Variants in KANK1 observed in about 807,000 individuals in gnomAD.
KANK1 encodes KN motif and ankyrin repeat domain-containing protein 1.
KANK1 carries 109 observed loss-of-function variants against 106.2 expected under a neutral mutation model. The observed-to-expected ratio is 1.03, with a 90% CI of 0.88 to 1.20. KANK1 has a LOEUF of 1.20. Ranked by LOEUF, KANK1 falls within the 50% of genes most tolerant of loss-of-function variation. The probability of loss-of-function intolerance (pLI) is 0.00; values close to 1 mark genes in which losing one functional copy is unlikely to be tolerated. For synonymous variants in KANK1, 873 were observed against 652.2 expected, an observed-to-expected ratio of 1.34 and a Z score of -5.16; for missense variants, 2,399 against 1,710.7, an observed-to-expected ratio of 1.40 and a Z score of -7.10.
rs1462983762 is a variant in KANK1 at position 712,697 on chromosome 9, A to C, written c.1931A>C (p.Glu644Ala). ...GACGTGACCGTCTGCTCTCCAAAGGAGTGCGCCTCCCGGGGCGTGAACACT... is the reference window on the plus strand; with the variant it reads ...GACGTGACCGTCTGCTCTCCAAAGGCGTGCGCCTCCCGGGGCGTGAACACT... Reference protein sequence around the residue: ...SVDVTVCSPKECASRGVNTEA... With the variant: ...SVDVTVCSPKACASRGVNTEA... Residue 644 changes from glutamate (E) to alanine (A), a missense_variant, in exon 3 of 12, where the codon GAG becomes GCG. Transcript: ENST00000382297. 1 of 1,614,024 alleles carries C rather than the reference A, an allele frequency of 6.2e-7. No homozygotes were observed. The highest frequency in any genetic ancestry group is 2.2e-5 in the East Asian group (1 of 44,860).
chr9:607,427 G>A (rs898997899), intron 1 of KANK1, among the ~76,000 whole-genome samples: 1 of 144,746 alleles, frequency 6.9e-6, no homozygotes, highest in Non-Finnish European at 1.5e-5. Context: ...AGAGGTTGCA[G>A]TGAGCCAAGA....
intron 1 of KANK1, among the ~76,000 whole-genome samples, chr9:637,413 A>T (rs567505292): frequency 4.6e-5 from 7 of 152,306 alleles, no homozygotes; most frequent in Admixed American, 3.9e-4. Context: ...GTGACTAATG[A>T]TGACTGATAG....
intron 1 of KANK1, among the ~76,000 whole-genome samples, chr9:671,625 A>AAAAAAAAAAGAAGAG (rs1563962324): frequency 8.2e-6 from 1 of 121,822 alleles, no homozygotes; most frequent in East Asian, 2.7e-4. Context: ...CAAAAAAAAA[A>AAAAAAAAAAGAAGAG]AAGAGTGTAC....
chr9:619,388 G>A (rs1289584318), intron 1 of KANK1, among the ~76,000 whole-genome samples: 2 of 152,176 alleles, frequency 1.3e-5, no homozygotes, highest in African/African-American at 2.4e-5. Flanking sequence ...GCTGATGTGA[G>A]AGCACCTTCT....
At position 711,980 on chromosome 9, in the gene KANK1, C is replaced by T; in HGVS notation, c.1214C>T (p.Ala405Val). ...GAGTGCCGGTCTGTGGCTGTGGGTG[C>T]CGAGGAGAACATGAACGACATCGTC... ...NGECRSVAVGAEENMNDIVVY... is the reference protein window; with the variant it reads ...NGECRSVAVGVEENMNDIVVY... Residue 405 changes from alanine (A) to valine (V), a missense_variant, in exon 3 of 12, where the codon GCC (alanine) becomes GTC (valine). Ala to Val is a moderately conservative substitution (Grantham distance 64). Transcript: ENST00000382297. The T allele has an allele frequency of 6.2e-7, 1 of 1,614,066 alleles. No homozygotes were observed. The highest frequency in any genetic ancestry group is 8.5e-7 in the Non-Finnish European group (1 of 1,180,002).
intron 1 of KANK1, among the ~76,000 whole-genome samples, chr9:638,752 T>A (rs560788205): frequency 6.6e-6 from 1 of 152,312 alleles, no homozygotes; most frequent in South Asian, 2.1e-4. Context: ...CTAATTCTTT[T>A]CTGTAGATTC....
chr9:558,763 G>A (rs1815568755), intron 1 of KANK1: 1 of 152,072 alleles, frequency 6.6e-6, no homozygotes, highest in Non-Finnish European at 1.5e-5. Context: ...AACAAAGAGT[G>A]TAGGCTGGTT....
At chr9:473,228 G>A (rs1166344290) in exon 3 of KANK1, 2 of 152,172 alleles carry the variant, frequency 1.3e-5, no homozygotes, top group Non-Finnish European at 2.9e-5. Context: ...CAAGGGATTC[G>A]TACCACTGCT....
At chr9:495,477 A>G (rs1413190234) in intron 3 of KANK1, 1 of 152,054 alleles carries the variant, frequency 6.6e-6, no homozygotes, top group East Asian at 1.9e-4. Context: ...TTTTGACTTT[A>G]CCCACCTTCC....
At chr9:744,924 C>G (rs535099125) in intron 11 of KANK1, 1 of 1,424,540 alleles carries the variant, frequency 7.0e-7, no homozygotes, top group African/African-American at 1.4e-5. Context: ...AAGCAGATGG[C>G]AGGCAGCCTG....
At chr9:555,140 G>A (rs35613378) in intron 1 of KANK1, among the ~76,000 whole-genome samples, 11,126 of 152,218 alleles carry the variant, frequency 0.073, 1,112 homozygotes, top group East Asian at 0.22. Context: ...TAGAACCCCT[G>A]GATAGTAATA....
intron 1 of KANK1, among the ~76,000 whole-genome samples, chr9:670,815 G>C (rs920812493): frequency 6.6e-6 from 1 of 152,140 alleles, no homozygotes; most frequent in African/African-American, 2.4e-5. Flanking sequence ...TAGGCAAGTT[G>C]TGTGTCCAAC....
At chr9:502,238 G>T (rs929755913), upstream of KANK1, among the ~76,000 whole-genome samples, 4 of 32 alleles carry the variant, frequency 0.12, no homozygotes, top group Non-Finnish European at 0.29. Flanking sequence ...TTACTGGGAT[G>T]TCAATGTCTG....
chr9:682,279 C>CAA (rs879794761), intron 2 of KANK1, among the ~76,000 whole-genome samples: 43 of 105,886 alleles, frequency 4.1e-4, no homozygotes, highest in African/African-American at 1.3e-3. Context: ...GACTCCGTCT[C>CAA]AAAAAAAAAA....
Position 520,085 on chromosome 9 carries a change from C to T in KANK1, c.-84+15331C>T, listed in dbSNP as rs145786107. On this transcript the variant is annotated intron_variant, in intron 1 of 11. Coordinates refer to ENST00000382297, the MANE Select transcript of KANK1 (RefSeq NM_015158.5). ...GGGTGCGGTGGCTCACACCTGTAATCCCAGCACTTTGGGAGGCTGAGGTGG... is the reference window on the plus strand; with the variant it reads ...GGGTGCGGTGGCTCACACCTGTAATTCCAGCACTTTGGGAGGCTGAGGTGG... Among the ~76,000 whole-genome samples, 29 of 151,832 alleles carry T rather than the reference C, an allele frequency of 1.9e-4. 1 individual carries two copies. The East Asian group carries it at 3.1e-3, about 16-fold the overall frequency.
In KANK1 at chr9:711,100, C is replaced by G; in HGVS notation, c.334C>G (p.Gln112Glu). 1 of 1,614,182 alleles carries G rather than the reference C, an allele frequency of 6.2e-7. No individual in the cohort carries two copies. Among genetic ancestry groups the G allele is most frequent in the South Asian group, 1.1e-5 (1 of 91,080 alleles). The change falls in exon 3 of 12, where the codon CAA (glutamine) becomes GAA (glutamate). Residue 112 changes from glutamine (Q) to glutamate (E), a missense_variant. Transcript: ENST00000382297. ...CCCCAACTTCCTCATAGCCAGAAGT[C>G]AAGTTACATCAACTCCAATCTCAAA... ...QCPNFLIARS[Q>E]VTSTPISKPP...
intron 1 of KANK1, among the ~76,000 whole-genome samples, chr9:576,247 T>C (rs1820528229): frequency 6.6e-6 from 1 of 152,182 alleles, no homozygotes; most frequent in Admixed American, 6.5e-5. Flanking sequence ...ATACCATCCT[T>C]TTATAATTTT....
intron 1 of KANK1, among the ~76,000 whole-genome samples, chr9:527,621 A>C (rs1255510816): frequency 1.3e-5 from 2 of 151,044 alleles, no homozygotes; most frequent in Non-Finnish European, 2.9e-5. Flanking sequence ...CTTGGTAGAG[A>C]GCATTGGCCA....
At chr9:723,388 C>A (rs894446219) in intron 3 of KANK1, among the ~76,000 whole-genome samples, 1 of 152,156 alleles carries the variant, frequency 6.6e-6, no homozygotes, top group Admixed American at 6.5e-5. Flanking sequence ...TAGAAATGTT[C>A]TGTATCTCTG....
Sources: allele counts gnomAD v4.1 joint callset (sites outside exome capture counted in the v4.1 genomes callset), GRCh38; gene constraint gnomAD v4.1.1; transcripts MANE v1.5; gene names NCBI Gene and HGNC (gene_info 2026-07-23, HGNC 2026-07-21).